Variants in PCDH15 observed in about 807,000 individuals in gnomAD.
The protein encoded by PCDH15 is protocadherin related 15.
In PCDH15, 129 loss-of-function variants were observed where a neutral mutation model predicts 178.5. The observed-to-expected ratio is 0.72, with a 90% CI of 0.63 to 0.84. The LOEUF (loss-of-function observed/expected upper bound fraction) is 0.84, where lower values mean the gene tolerates loss of function less well. Ranked by LOEUF, PCDH15 falls within the 40% of genes least tolerant of loss-of-function variation. PCDH15 has a pLI of 0.00. For missense variants in PCDH15, 2,230 were observed against 2,099.9 expected (o/e 1.06, Z -1.21); for synonymous variants, 800 against 732.0 (o/e 1.09, Z -1.50).
At chr10:54,556,487 G>A (rs546708441) in intron 2 of PCDH15, among the ~76,000 whole-genome samples, 119 of 152,050 alleles carry the variant, frequency 7.8e-4, no homozygotes, top group African/African-American at 2.7e-3. Context: ...AGTATATAAT[G>A]TGTTCAAAGA....
intron 3 of PCDH15, among the ~76,000 whole-genome samples, chr10:54,876,396 C>T (rs1954144526): frequency 6.6e-6 from 1 of 152,058 alleles, no homozygotes; most frequent in South Asian, 2.1e-4. Context: ...TGTCGGTGTT[C>T]AAGATTTATT....
chr10:55,037,836 A>G lies in PCDH15; in HGVS notation c.-80+128740T>C, dbSNP rs116134335. On this transcript the variant is annotated intron_variant, in intron 2 of 5. Coordinates refer to the PCDH15 transcript ENST00000458638. The stretch of plus-strand genomic sequence containing the variant: ...GTAATTATCTGTCATCTTAAATGTA[A>G]TATCTTTATTCTTATCATAGTGTTA... Among the ~76,000 whole-genome samples the G allele has an allele frequency of 6.2e-3, 950 of 152,288 alleles. 10 individuals are homozygous for G. Among genetic ancestry groups the G allele is most frequent in the African/African-American group, 0.022 (909 of 41,568 alleles).
At chr10:54,730,035 A>G (rs990164047) in intron 1 of PCDH15, among the ~76,000 whole-genome samples, 5 of 151,570 alleles carry the variant, frequency 3.3e-5, no homozygotes, top group African/African-American at 1.2e-4. Flanking sequence ...CAACCCAGCA[A>G]TCTTATTCCT....
intron 2 of PCDH15, among the ~76,000 whole-genome samples, chr10:55,050,472 G>A (rs936875127): frequency 6.6e-6 from 1 of 151,920 alleles, no homozygotes; most frequent in Non-Finnish European, 1.5e-5. Flanking sequence ...TGTGTCCTAT[G>A]AGATGTTTTA....
At chr10:54,100,862 C>T (rs757937313) in intron 15 of PCDH15, among the ~76,000 whole-genome samples, 2 of 151,416 alleles carry the variant, frequency 1.3e-5, no homozygotes, top group Non-Finnish European at 2.9e-5. Context: ...TTCTTAGATA[C>T]AAAAATTTTC....
chr10:55,052,411 T>C (rs369620546), intron 2 of PCDH15, among the ~76,000 whole-genome samples: 30 of 150,284 alleles, frequency 2.0e-4, no homozygotes, highest in South Asian at 1.5e-3. Context: ...ATTTTAAAAG[T>C]ATATGAGGCT....
At chr10:54,096,944 G>C (rs2094710836) in intron 15 of PCDH15, among the ~76,000 whole-genome samples, 1 of 152,146 alleles carries the variant, frequency 6.6e-6, no homozygotes, top group Non-Finnish European at 1.5e-5. Context: ...TACTCAAGCT[G>C]TATCTTAATA....
Position 54,183,523 on chromosome 10 carries a change from T to C in PCDH15, c.1511A>G (p.Asp504Gly), listed in dbSNP as rs769653767. The change falls in exon 13 of 38, where the codon GAT becomes GGT. Residue 504 changes from aspartate (D) to glycine (G), a missense_variant. Asp to Gly is a moderately conservative substitution (Grantham distance 94). Transcript: ENST00000644397. The part of the protein sequence containing the change: ...IVNIQVMDAN[D>G]NTPTFPEISY... ...TATTTCAGGGAAGGTTGGCGTGTTA[T>C]CATTTGCATCCATCACTTGAATATT... 4 of 1,613,932 alleles carry C rather than the reference T, an allele frequency of 2.5e-6. No homozygotes were observed. Among genetic ancestry groups the C allele is most frequent in the Non-Finnish European group, 3.4e-6 (4 of 1,179,844 alleles).
intron 2 of PCDH15, among the ~76,000 whole-genome samples, chr10:55,347,209 G>A (rs181968900): frequency 5.7e-4 from 86 of 151,776 alleles, no homozygotes; most frequent in African/African-American, 1.9e-3. Context: ...AGGGAGACTG[G>A]CAAATAAAAA....
intron 8 of PCDH15, among the ~76,000 whole-genome samples, chr10:54,252,661 T>A (rs941825725): frequency 6.6e-6 from 1 of 152,172 alleles, no homozygotes; most frequent in Non-Finnish European, 1.5e-5. Context: ...TGTAAATATA[T>A]CTTTCTAAAT....
At chr10:55,168,074 A>G (rs1292928845) in intron 1 of PCDH15, among the ~76,000 whole-genome samples, 1 of 152,192 alleles carries the variant, frequency 6.6e-6, no homozygotes, top group African/African-American at 2.4e-5. Context: ...AAATAGTACT[A>G]TATTCAAAAT....
intron 25 of PCDH15, among the ~76,000 whole-genome samples, chr10:53,904,359 T>C (rs769824789): frequency 6.6e-6 from 1 of 152,138 alleles, no homozygotes; most frequent in Non-Finnish European, 1.5e-5. Context: ...TGTACAATTT[T>C]AAGTAATTAA....
intron 15 of PCDH15, among the ~76,000 whole-genome samples, chr10:54,097,860 AG>A (rs761123153): frequency 9.2e-5 from 14 of 152,208 alleles, no homozygotes; most frequent in Non-Finnish European, 1.8e-4. Flanking sequence ...TCAGGAGGGG[AG>A]GGCATGGGAC....
At chr10:55,434,916 T>C (rs1420083622) in intron 2 of PCDH15, among the ~76,000 whole-genome samples, 1 of 152,176 alleles carries the variant, frequency 6.6e-6, no homozygotes, top group Non-Finnish European at 1.5e-5. Context: ...TGTTATAATA[T>C]TTAAACTCAA....
intron 2 of PCDH15, among the ~76,000 whole-genome samples, chr10:55,341,805 A>ATTTTTTTT (rs869187882): frequency 6.1e-4 from 10 of 16,296 alleles, no homozygotes; most frequent in East Asian, 2.1e-3. Context: ...ATATATATAT[A>ATTTTTTTT]TTTTTTTTTT....
At chr10:55,435,364 G>A (rs540802165) in intron 2 of PCDH15, among the ~76,000 whole-genome samples, 27 of 152,074 alleles carry the variant, frequency 1.8e-4, no homozygotes, top group East Asian at 1.2e-3. Context: ...TTTTTACCTC[G>A]CATTTTTGAT....
intron 2 of PCDH15, among the ~76,000 whole-genome samples, chr10:55,499,456 T>C (rs1294262035): frequency 1.0e-4 from 14 of 139,802 alleles, no homozygotes; most frequent in Middle Eastern, 7.5e-3. Flanking sequence ...CACACACAAA[T>C]AATGTTGCAT....
At chr10:55,060,307 T>C (rs1397996452) in intron 2 of PCDH15, among the ~76,000 whole-genome samples, 1 of 152,072 alleles carries the variant, frequency 6.6e-6, no homozygotes, top group African/African-American at 2.4e-5. Flanking sequence ...ATTAATCAAA[T>C]GGCATTTTTC....
chr10:55,540,944 G>A (rs1450226896), intron 2 of PCDH15, among the ~76,000 whole-genome samples: 1 of 151,836 alleles, frequency 6.6e-6, no homozygotes, highest in East Asian at 1.9e-4. Context: ...AATTTGTCTT[G>A]TGACAACATA....
Sources: allele counts gnomAD v4.1 joint callset (sites outside exome capture counted in the v4.1 genomes callset), GRCh38; gene constraint gnomAD v4.1.1; transcripts MANE v1.5; gene names NCBI Gene and HGNC (gene_info 2026-07-23, HGNC 2026-07-21).